PHF21A: variants seen among roughly 807,000 people sequenced by gnomAD.
The protein encoded by PHF21A is BHC80a.
A neutral mutation model predicts 82.5 loss-of-function variants in PHF21A; 11 were observed. The observed-to-expected ratio is 0.13, with a 90% CI of 0.08 to 0.22. PHF21A has a LOEUF of 0.22. Ranked by LOEUF, PHF21A falls within the 10% of genes least tolerant of loss-of-function variation. PHF21A has a pLI of 1.00. For missense variants in PHF21A, 579 were observed against 837.8 expected, an observed-to-expected ratio of 0.69 and a Z score of 3.81; for synonymous variants, 297 against 302.8, an observed-to-expected ratio of 0.98 and a Z score of 0.20.
chr11:46,055,797 T>C (rs2096445851), intron 6 of PHF21A, among the ~76,000 whole-genome samples: 1 of 152,092 alleles, frequency 6.6e-6, no homozygotes, highest in South Asian at 2.1e-4. Flanking sequence ...GAAAATATAA[T>C]ACGATCTAAG....
At chr11:46,019,521 T>C (rs1007275816) in intron 6 of PHF21A, among the ~76,000 whole-genome samples, 2 of 152,178 alleles carry the variant, frequency 1.3e-5, no homozygotes, top group African/African-American at 2.4e-5. Context: ...TAGTTAAACA[T>C]ACTCTACCAT....
chr11:45,944,591 G>A (rs991247009), intron 15 of PHF21A, among the ~76,000 whole-genome samples: 5 of 152,190 alleles, frequency 3.3e-5, no homozygotes, highest in South Asian at 2.1e-4. Flanking sequence ...CTCTGCCCCC[G>A]CTATCCTGGC....
intron 2 of PHF21A, among the ~76,000 whole-genome samples, chr11:46,090,779 G>T (rs1052454899): frequency 6.6e-6 from 1 of 151,892 alleles, no homozygotes; most frequent in African/African-American, 2.4e-5. Flanking sequence ...GGATCTAGAA[G>T]AAACTGCCAC....
At chr11:46,105,958 A>G (rs1041278865) in intron 1 of PHF21A, among the ~76,000 whole-genome samples, 4 of 152,242 alleles carry the variant, frequency 2.6e-5, no homozygotes, top group African/African-American at 4.8e-5. Context: ...TTACACAAAT[A>G]TAAGTATTAG....
intron 18 of PHF21A, 199 bp from the exon 19 acceptor site, chr11:45,934,424 T>TG (rs1225146740): frequency 1.6e-5 from 9 of 555,748 alleles, no homozygotes; most frequent in Admixed American, 6.7e-5. Context: ...GTGGGTAGGC[T>TG]GGGGGGTCCC....
At chr11:46,003,379 G>A (rs1156982976) in intron 6 of PHF21A, among the ~76,000 whole-genome samples, 1 of 151,132 alleles carries the variant, frequency 6.6e-6, no homozygotes, top group African/African-American at 2.4e-5. Context: ...TACAAAATGA[G>A]GATAATACCT....
intron 15 of PHF21A, among the ~76,000 whole-genome samples, chr11:45,943,121 C>CTTTTT (rs3061870): frequency 1.2e-4 from 14 of 112,116 alleles, no homozygotes; most frequent in South Asian, 2.9e-4. Flanking sequence ...TCTTTCTTTC[C>CTTTTT]TTTTTTTTTT....
chr11:45,951,660 C>A (rs578000569), intron 11 of PHF21A, among the ~76,000 whole-genome samples: 3 of 152,264 alleles, frequency 2.0e-5, no homozygotes, highest in African/African-American at 7.2e-5. Context: ...TTTGATGAAG[C>A]AGTGTGTGGA....
intron 6 of PHF21A, chr11:46,049,450 G>A (rs1332094328): frequency 6.6e-6 from 3 of 456,106 alleles, no homozygotes; most frequent in African/African-American, 6.0e-5. Flanking sequence ...TTCCTGTACA[G>A]TGGCATCTGC....
chr11:46,055,056 C>T (rs1021328195), intron 6 of PHF21A, among the ~76,000 whole-genome samples: 10 of 152,254 alleles, frequency 6.6e-5, no homozygotes, highest in East Asian at 1.9e-4. Context: ...AGCGCCAAAA[C>T]GTCTTTCTTT....
intron 10 of PHF21A, among the ~76,000 whole-genome samples, chr11:45,957,383 G>A (rs1411039817): frequency 6.6e-6 from 1 of 151,990 alleles, no homozygotes; most frequent in Non-Finnish European, 1.5e-5. Context: ...TATATGTTAG[G>A]CCACAAAACA....
In PHF21A at chr11:45,958,305, C is replaced by T. The variant is rs372945539; in HGVS notation, c.997-4680G>A. 1.9e-4 allele frequency among the ~76,000 whole-genome samples: 26 copies of T among 140,486 alleles called. No homozygotes were observed. In the East Asian group the frequency reaches 5.2e-3, roughly 28 times the overall value. 92.2% of individuals were successfully genotyped at this position (140,486 alleles called of 152,430 possible). A position where few individuals can be genotyped will look rare whatever the true frequency, so the allele number is the denominator to read the frequency against. On this transcript the variant is annotated intron_variant, in intron 10 of 18. Transcript: ENST00000676320. The stretch of plus-strand genomic sequence containing the variant: ...ACCAAAGAATAGAAAATGGGCTGGG[C>T]GTGGTGGCTCACTTTGAGAGGCCAA...
chr11:46,013,837 C>T (rs924885251), intron 6 of PHF21A, among the ~76,000 whole-genome samples: 28 of 152,086 alleles, frequency 1.8e-4, no homozygotes, highest in South Asian at 2.1e-4. Context: ...AAATACACTA[C>T]GAAAGATGAA....
rs563873109 is a variant in PHF21A at position 46,068,390 on chromosome 11, T to C, written c.153+8364A>G. Among the ~76,000 whole-genome samples, 10 of 152,302 alleles carry C rather than the reference T, an allele frequency of 6.6e-5. No homozygotes were observed. In the East Asian group the frequency reaches 1.9e-3, roughly 29 times the overall value. On this transcript the variant is annotated intron_variant, in intron 6 of 18. Transcript: ENST00000676320. ...TTTGAAAGCATACATATATATAATA[T>C]ATGCACATTATTTGAAAGCACATGA... is the stretch of plus-strand genomic sequence containing the variant.
rs1156871558 is a variant in PHF21A, at chr11:46,109,873, G to A, written c.-237+11062C>T. On this transcript the variant is annotated intron_variant, in intron 1 of 18. Transcript: ENST00000676320. Reference sequence around the variant, plus strand: ...CACATGCCTGTAGTCCCAACTACTCGGGAAGGCTGAGGAAGGAGAATCACT... The same window carrying A: ...CACATGCCTGTAGTCCCAACTACTCAGGAAGGCTGAGGAAGGAGAATCACT... Among the ~76,000 whole-genome samples, 7 of 151,854 alleles carry A rather than the reference G, an allele frequency of 4.6e-5. No homozygotes were observed. In the East Asian group the frequency reaches 5.8e-4, roughly 13 times the overall value.
intron 6 of PHF21A, among the ~76,000 whole-genome samples, chr11:46,037,289 G>A (rs1274752298): frequency 6.6e-6 from 1 of 152,090 alleles, no homozygotes; most frequent in Non-Finnish European, 1.5e-5. Flanking sequence ...TCACAATCCT[G>A]TACCCTCAGA....
intron 6 of PHF21A, among the ~76,000 whole-genome samples, chr11:46,028,598 G>C (rs1005007760): frequency 3.2e-5 from 4 of 124,856 alleles, no homozygotes; most frequent in Admixed American, 9.6e-5. Flanking sequence ...TTTTGAGACA[G>C]AGTCTCGTTC....
chr11:46,109,254 G>A (rs2097184673), intron 1 of PHF21A, among the ~76,000 whole-genome samples: 1 of 152,170 alleles, frequency 6.6e-6, no homozygotes, highest in Non-Finnish European at 1.5e-5. Flanking sequence ...TAAAATGGAG[G>A]TAGGATAATA....
At chr11:46,069,833 A>C (rs1022989449) in intron 6 of PHF21A, among the ~76,000 whole-genome samples, 2 of 152,234 alleles carry the variant, frequency 1.3e-5, no homozygotes, top group Non-Finnish European at 2.9e-5. Context: ...GAAAAGTAGT[A>C]CTTTACACGT....
Sources: allele counts gnomAD v4.1 joint callset (sites outside exome capture counted in the v4.1 genomes callset), GRCh38; gene constraint gnomAD v4.1.1; transcripts MANE v1.5; gene names NCBI Gene and HGNC (gene_info 2026-07-23, HGNC 2026-07-21).